The following CDH18 variants were observed in gnomAD, a reference collection of about 807,000 sequenced individuals.
CDH18 encodes the protein cadherin 18, also known as cadherin-18.
CDH18 carries 31 observed loss-of-function variants against 67.9 expected under a neutral mutation model. The ratio of observed to expected loss-of-function variants is 0.46; its 90% CI spans 0.34 to 0.62. The LOEUF (loss-of-function observed/expected upper bound fraction) is 0.62, where lower values mean the gene tolerates loss of function less well. Among genes scored for constraint, CDH18 ranks in the 20% least tolerant of loss-of-function variants. The pLI is 0.01. For missense variants in CDH18, 890 were observed against 975.5 expected, an observed-to-expected ratio of 0.91 and a Z score of 1.17; for synonymous variants, 362 against 347.2, an observed-to-expected ratio of 1.04 and a Z score of -0.48.
intron 1 of CDH18, among the ~76,000 whole-genome samples, chr5:20,573,825 A>G (rs898511548): frequency 1.3e-4 from 2 of 15,120 alleles, no homozygotes; most frequent in African/African-American, 1.2e-3. Flanking sequence ...ATATATATAT[A>G]TATATATATA....
At chr5:19,666,025 G>A (rs1002742378) in intron 5 of CDH18, among the ~76,000 whole-genome samples, 1 of 151,756 alleles carries the variant, frequency 6.6e-6, no homozygotes, top group Non-Finnish European at 1.5e-5. Context: ...CATTTAGCAG[G>A]ACTAGAACAA....
chr5:20,498,633 C>A (rs1754054081), intron 1 of CDH18, among the ~76,000 whole-genome samples: 2 of 151,696 alleles, frequency 1.3e-5, no homozygotes, highest in African/African-American at 4.8e-5. Flanking sequence ...TAAAATAATC[C>A]TTTAGTTGAT....
chr5:20,179,574 G>A (rs1008566610), intron 2 of CDH18, among the ~76,000 whole-genome samples: 1 of 152,094 alleles, frequency 6.6e-6, no homozygotes, highest in Admixed American at 6.6e-5. Flanking sequence ...TTGAAACAGG[G>A]ACTGATATAG....
chr5:19,525,427 T>C (rs755589428), intron 9 of CDH18, among the ~76,000 whole-genome samples: 2 of 152,000 alleles, frequency 1.3e-5, no homozygotes, highest in African/African-American at 4.9e-5. Context: ...TCTATATACC[T>C]ACTATCATTC....
At chr5:20,013,555 TTATA>T (rs1385221822) in intron 2 of CDH18, among the ~76,000 whole-genome samples, 1 of 152,110 alleles carries the variant, frequency 6.6e-6, no homozygotes, top group East Asian at 1.9e-4. Flanking sequence ...TTCTGTTTAT[TTATA>T]TATTTATATT....
At chr5:19,696,914 G>T (rs775954320) in intron 5 of CDH18, among the ~76,000 whole-genome samples, 2 of 152,084 alleles carry the variant, frequency 1.3e-5, no homozygotes, top group Non-Finnish European at 1.5e-5. Flanking sequence ...TTTGTTTAAT[G>T]TTCTAAGAAG....
At chr5:19,809,991 A>C (rs1221576855) in intron 3 of CDH18, among the ~76,000 whole-genome samples, 1 of 152,150 alleles carries the variant, frequency 6.6e-6, no homozygotes, top group Non-Finnish European at 1.5e-5. Flanking sequence ...CTTGAAAAAG[A>C]CTGTTATTTA....
intron 2 of CDH18, among the ~76,000 whole-genome samples, chr5:20,026,915 C>T (rs1008769656): frequency 1.3e-5 from 2 of 151,538 alleles, no homozygotes; most frequent in Non-Finnish European, 1.5e-5. Flanking sequence ...TGAGATTGTG[C>T]CACTGCACTC....
At chr5:20,358,994 G>A (rs913675665) in intron 1 of CDH18, among the ~76,000 whole-genome samples, 3 of 147,696 alleles carry the variant, frequency 2.0e-5, no homozygotes, top group Non-Finnish European at 4.4e-5. Context: ...GTGCAATGGC[G>A]TGATCTCAGC....
At chr5:19,923,290 T>G (rs575372126) in intron 2 of CDH18, among the ~76,000 whole-genome samples, 1 of 152,280 alleles carries the variant, frequency 6.6e-6, no homozygotes, top group East Asian at 1.9e-4. Flanking sequence ...GACTTTTACA[T>G]TTTTTCCTTA....
chr5:20,221,993 T>A (rs552309851), intron 2 of CDH18, among the ~76,000 whole-genome samples: 12 of 152,144 alleles, frequency 7.9e-5, no homozygotes, highest in Non-Finnish European at 1.6e-4. Flanking sequence ...GTTCTTTTCA[T>A]CAATGCTCAA....
At chr5:19,731,602 CA>C (rs1289967059) in intron 4 of CDH18, among the ~76,000 whole-genome samples, 1 of 152,116 alleles carries the variant, frequency 6.6e-6, no homozygotes, top group Non-Finnish European at 1.5e-5. Flanking sequence ...CCTTTGCATT[CA>C]AAAACTTGAA....
intron 2 of CDH18, among the ~76,000 whole-genome samples, chr5:20,022,759 T>C (rs573348418): frequency 5.1e-4 from 77 of 152,210 alleles, no homozygotes; most frequent in Non-Finnish European, 9.8e-4. Context: ...TTATTTCTAG[T>C]CTATTAATGT....
At chr5:20,218,035 TAAAG>T (rs1033380886) in intron 2 of CDH18, among the ~76,000 whole-genome samples, 1 of 151,916 alleles carries the variant, frequency 6.6e-6, no homozygotes, top group African/African-American at 2.4e-5. Flanking sequence ...CAAATATTGT[TAAAG>T]AGAGAGATAA....
chr5:20,206,118 G>A (rs1216596369), intron 2 of CDH18, among the ~76,000 whole-genome samples: 1 of 151,472 alleles, frequency 6.6e-6, no homozygotes, highest in African/African-American at 2.4e-5. Flanking sequence ...TTAAAAAGAA[G>A]ACCCAAATAA....
chr5:19,582,911 A>G (rs1466677775), intron 7 of CDH18, among the ~76,000 whole-genome samples: 1 of 151,996 alleles, frequency 6.6e-6, no homozygotes, highest in African/African-American at 2.4e-5. Flanking sequence ...AAGACCAGAA[A>G]TATAGTATGT....
rs1434829324 is a variant in CDH18 at position 20,501,041 on chromosome 5, CTT to C, written c.-580+74419_-580+74420del. 2.6e-5 allele frequency among the ~76,000 whole-genome samples: 4 copies of C among 152,152 alleles called. No homozygotes were observed. In the South Asian group the frequency reaches 8.3e-4, roughly 32 times the overall value. On this transcript the variant is annotated intron_variant, in intron 1 of 14. Coordinates refer to the CDH18 transcript ENST00000507958. ...AATAAGGACACAAATATTCTAAAGA[CTT>C]TGGAAAATTTTAGTCACTCTGTCTT...
intron 1 of CDH18, among the ~76,000 whole-genome samples, chr5:20,299,636 G>T (rs1456535097): frequency 1.3e-5 from 2 of 151,508 alleles, no homozygotes; most frequent in South Asian, 2.1e-4. Flanking sequence ...GTGCATGCCT[G>T]TAGTCCCAGC....
chr5:19,516,866 C>T (rs550482410), intron 10 of CDH18, among the ~76,000 whole-genome samples: 2 of 152,092 alleles, frequency 1.3e-5, no homozygotes, highest in East Asian at 3.9e-4. Context: ...CCACAATTTG[C>T]TTAACCATTC....
Sources: gnomAD v4.1 joint callset for allele counts (sites outside exome capture counted in the v4.1 genomes callset) on GRCh38, gnomAD v4.1.1 for gene constraint, MANE v1.5 for transcripts, NCBI Gene and HGNC (gene_info 2026-07-23, HGNC 2026-07-21) for gene names.